The following BRWD3 variants were observed in gnomAD, a reference collection of about 807,000 sequenced individuals.
BRWD3 encodes bromodomain and WD repeat-containing protein 3.
BRWD3 carries 10 observed loss-of-function variants against 149.7 expected under a neutral mutation model. The ratio of observed to expected loss-of-function variants is 0.07; its 90% CI spans 0.04 to 0.11. BRWD3 has a LOEUF of 0.11. Among genes scored for constraint, BRWD3 ranks in the 10% least tolerant of loss-of-function variants. The probability of loss-of-function intolerance (pLI) is 1.00; values close to 1 mark genes in which losing one functional copy is unlikely to be tolerated. For missense variants in BRWD3, 940 were observed against 1,373.2 expected (o/e 0.68, Z 4.99); for synonymous variants, 504 against 456.7 (o/e 1.10, Z -1.32).
At chrX:80,696,688 T>A in intron 26 of BRWD3, 51 bp downstream of exon 26, 1 of 1,176,436 alleles carries the variant, frequency 8.5e-7, no homozygotes, top group Non-Finnish European at 1.2e-6. Context: ...AAATATACAA[T>A]AGGTATTAAA....
chrX:80,809,168 G>A (rs1367395259), intron 2 of BRWD3, 78 bp downstream of exon 2: 10 of 1,141,062 alleles, frequency 8.8e-6, no homozygotes, highest in South Asian at 1.9e-5. Flanking sequence ...CACCCTCAAC[G>A]GAACTGCTCG....
intron 12 of BRWD3, among the ~76,000 whole-genome samples, chrX:80,731,013 T>A (rs777980967): frequency 1.8e-5 from 2 of 111,788 alleles, no homozygotes; most frequent in Non-Finnish European, 3.8e-5. Flanking sequence ...AACATCTCTA[T>A]ATAATCTTTG....
At chrX:80,685,643 T>A (rs1359524134) in intron 35 of BRWD3, 107 bp from the exon 36 acceptor site, 12 of 597,074 alleles carry the variant, frequency 2.0e-5, no homozygotes, top group Non-Finnish European at 3.1e-5. Context: ...ACTGGAATCA[T>A]GTTTTATCGG....
At chrX:80,766,958 T>C (rs980630654) in intron 6 of BRWD3, among the ~76,000 whole-genome samples, 4 of 112,310 alleles carry the variant, frequency 3.6e-5, no homozygotes, top group Non-Finnish European at 7.5e-5. Context: ...TAGGAGATTA[T>C]AGCCCGCACC....
chrX:80,690,765 G>A (rs1012704269), intron 31 of BRWD3, among the ~76,000 whole-genome samples: 1 of 111,615 alleles, frequency 9.0e-6, no homozygotes, highest in African/African-American at 3.2e-5. Flanking sequence ...CCTTAATAAC[G>A]ATGAATCCAC....
At chrX:80,750,407 T>C (rs995187776) in intron 6 of BRWD3, among the ~76,000 whole-genome samples, 1 of 110,030 alleles carries the variant, frequency 9.1e-6, no homozygotes, top group African/African-American at 3.3e-5. Context: ...TAATTAAAAA[T>C]GGGCAAAAGG....
chrX:80,808,666 T>G (rs2074375116), intron 3 of BRWD3, 68 bp from the exon 4 acceptor site: 1 of 963,487 alleles, frequency 1.0e-6, no homozygotes, highest in South Asian at 2.0e-5. Flanking sequence ...CCGCTCCCCA[T>G]CAACTGGACC....
Position 80,676,361 on chromosome X carries a change from G to T in BRWD3, c.*248C>A. The T allele has an allele frequency of 2.4e-6, 1 of 408,602 alleles. No individual in the cohort carries two copies. Among genetic ancestry groups the T allele is most frequent in the Non-Finnish European group, 4.3e-6 (1 of 233,637 alleles). 33.7% of individuals were successfully genotyped at this position (408,602 alleles called of 1,213,427 possible). On this transcript the variant is annotated 3_prime_UTR_variant, in exon 41 of 41. Coordinates refer to ENST00000373275, the MANE Select transcript of BRWD3 (RefSeq NM_153252.5). ...TGTGTGTGTCTGTGTGTGTGTATGTGTGTGTATGTGTTTGTGTGTGTGTGG... is the reference window on the plus strand; with the variant it reads ...TGTGTGTGTCTGTGTGTGTGTATGTTTGTGTATGTGTTTGTGTGTGTGTGG...
chrX:80,691,786 C>T, intron 30 of BRWD3, 37 bp downstream of exon 30: 1 of 1,208,068 alleles, frequency 8.3e-7, no homozygotes, highest in African/African-American at 1.7e-5. Context: ...TCCTAGCTCT[C>T]TTGCATGCTC....
intron 4 of BRWD3, among the ~76,000 whole-genome samples, chrX:80,797,988 G>A (rs1410005752): frequency 9.1e-5 from 10 of 110,381 alleles, no homozygotes; most frequent in Non-Finnish European, 1.9e-4. Context: ...CCAGCTCCTC[G>A]GGAGGCTGAG....
At chrX:80,755,972 T>A (rs1257473581) in intron 6 of BRWD3, among the ~76,000 whole-genome samples, 2 of 111,617 alleles carry the variant, frequency 1.8e-5, no homozygotes, top group African/African-American at 6.5e-5. Flanking sequence ...ATGAGGAAAT[T>A]TTTAAAATTT....
chrX:80,698,417 GT>G (rs1479090784), intron 25 of BRWD3, among the ~76,000 whole-genome samples: 1 of 111,816 alleles, frequency 8.9e-6, no homozygotes, highest in African/African-American at 3.2e-5. Flanking sequence ...AGGATAAAAA[GT>G]AAGAACTTGG....
At chrX:80,681,960 C>T (rs1380436375) in intron 39 of BRWD3, 37 bp downstream of exon 39, 7 of 1,064,014 alleles carry the variant, frequency 6.6e-6, no homozygotes, top group African/African-American at 1.8e-5. Context: ...AGAATTAAAC[C>T]GAGATGCAGA....
At position 80,725,022 on chromosome X, in the gene BRWD3, G is replaced by C; in HGVS notation, c.1432C>G (p.Gln478Glu). The C allele has an allele frequency of 8.3e-7, 1 of 1,207,310 alleles. No homozygotes were observed. Among genetic ancestry groups the C allele is most frequent in the Non-Finnish European group, 1.1e-6 (1 of 891,879 alleles). Residue 478 changes from glutamine to glutamate, a missense_variant, in exon 15 of 41, where the codon CAA (glutamine) becomes GAA (glutamate). By Grantham distance (29) the Gln-to-Glu change is conservative. Transcript: ENST00000373275. ...VFVLEAHPFD[Q>E]RIILSAGHDG... ...TGACCTGCTGAAAGTATGATCCTTT[G>C]ATCAAATGGATGGGCTTCTAGAACG... is the stretch of plus-strand genomic sequence containing the variant.
chrX:80,690,961 T>A, intron 31 of BRWD3, 92 bp downstream of exon 31: 3 of 1,035,025 alleles, frequency 2.9e-6, no homozygotes, highest in Non-Finnish European at 4.0e-6. Context: ...TTTTGGATGA[T>A]CATGTTATAC....
At chrX:80,685,345 TA>T in intron 36 of BRWD3, 116 bp downstream of exon 36, 1 of 629,473 alleles carries the variant, frequency 1.6e-6, no homozygotes, top group Non-Finnish European at 2.5e-6. Flanking sequence ...CAAACAAAGG[TA>T]AAAAGGGGAG....
At chrX:80,796,828 A>C (rs2074244070) in intron 4 of BRWD3, among the ~76,000 whole-genome samples, 1 of 111,429 alleles carries the variant, frequency 9.0e-6, no homozygotes, top group Admixed American at 9.6e-5. Context: ...GCTATGTTTC[A>C]GAAAAATATA....
chrX:80,693,065 A>C lies in BRWD3; in HGVS notation c.3152-14T>G. 3 of 1,137,001 alleles carry C rather than the reference A, an allele frequency of 2.6e-6. No individual in the cohort carries two copies. The highest frequency in any genetic ancestry group is 3.6e-6 in the Non-Finnish European group (3 of 827,241). The allele number at this position is 1,137,001 out of a possible 1,213,427, so 93.7% of individuals were successfully genotyped here. On this transcript the variant is annotated splice_polypyrimidine_tract_variant and intron_variant, in intron 27 of 40. Transcript: ENST00000373275. ...GGAATCTATCACCTATAATGTTTTA[A>C]AATTCTTAAAAGGATGCTCTTGAGA...
In BRWD3 at chrX:80,689,829, T is replaced by C; in HGVS notation, c.3746A>G (p.Asp1249Gly). ...LRFIGDQSCT[D>G]ILDTYNKIKA... Reference sequence around the variant, plus strand: ...AATTTTATTATAAGTATCCAGTATATCAGTACAGCTCTGATCCCTAAGAAA... The same window carrying C: ...AATTTTATTATAAGTATCCAGTATACCAGTACAGCTCTGATCCCTAAGAAA... The change falls in exon 33 of 41, where the codon GAT becomes GGT. Residue 1249 changes from aspartate (D) to glycine (G), a missense_variant. Coordinates refer to ENST00000373275, the MANE Select transcript of BRWD3 (RefSeq NM_153252.5). 8.4e-7 allele frequency: 1 copy of C among 1,194,492 alleles called. No individual in the cohort carries two copies. The highest frequency in any genetic ancestry group is 1.1e-6 in the Non-Finnish European group (1 of 881,986).
Sources: gnomAD v4.1 joint callset for allele counts (sites outside exome capture counted in the v4.1 genomes callset) on GRCh38, gnomAD v4.1.1 for gene constraint, MANE v1.5 for transcripts, NCBI Gene and HGNC (gene_info 2026-07-23, HGNC 2026-07-21) for gene names.